MAK: variants seen among roughly 807,000 people sequenced by gnomAD.
MAK encodes male germ cell associated kinase.
MAK carries 65 observed loss-of-function variants against 82.6 expected under a neutral mutation model. The ratio of observed to expected loss-of-function variants is 0.79; its 90% CI spans 0.64 to 0.97. MAK has a LOEUF of 0.97. Among genes scored for constraint, MAK ranks in the 50% least tolerant of loss-of-function variants. The pLI, the probability that MAK is intolerant of heterozygous loss-of-function variation, is 0.00. For missense variants in MAK, 703 were observed against 780.2 expected (o/e 0.90, Z 1.18); for synonymous variants, 250 against 274.2 (o/e 0.91, Z 0.87).
At chr6:10,767,308 A>G (rs1252058880) in intron 14 of MAK, among the ~76,000 whole-genome samples, 1 of 152,224 alleles carries the variant, frequency 6.6e-6, no homozygotes, top group African/African-American at 2.4e-5. Flanking sequence ...ACCTCCTGGA[A>G]TACAGCCCTG....
At chr6:10,777,864 C>G (rs1773596648) in intron 11 of MAK, among the ~76,000 whole-genome samples, 1 of 152,090 alleles carries the variant, frequency 6.6e-6, no homozygotes, top group Non-Finnish European at 1.5e-5. Context: ...TCTCGGACTC[C>G]CAACCTCAGG....
chr6:10,796,731 G>C (rs143908132), intron 8 of MAK, among the ~76,000 whole-genome samples: 2,073 of 151,238 alleles, frequency 0.014, 46 homozygotes, highest in African/African-American at 0.048. Flanking sequence ...GCTTGAACCT[G>C]GGAGGAGGAG....
chr6:10,835,954 A>G lies in MAK; in HGVS notation c.-230+2549T>C, dbSNP rs184672242. Among the ~76,000 whole-genome samples, 26 of 152,344 alleles carry G rather than the reference A, an allele frequency of 1.7e-4. No individual in the cohort carries two copies. The East Asian group carries it at 4.2e-3, about 25-fold the overall frequency. On this transcript the variant is annotated intron_variant, in intron 1 of 14. Transcript: ENST00000354489. ...AAGCTGCACCAGCACTATCAGCACA[A>G]TAGAGCATTCAGTCACTGATGACTT...
Position 10,763,473 on chromosome 6 carries a change from C to CA in MAK, c.*978dup. ...TCATGGGAACTGTACTGGTCAAGAT[C>CA]AAAACACAAGCCGTCCACTAAAATC... On this transcript the variant is annotated 3_prime_UTR_variant, in exon 15 of 15. Coordinates refer to ENST00000354489, the MANE Select transcript of MAK (RefSeq NM_001242957.3). 1 of 150,080 alleles carries CA rather than the reference C, an allele frequency of 6.7e-6. No homozygotes were observed. Among genetic ancestry groups the CA allele is most frequent in the South Asian group, 2.1e-4 (1 of 4,746 alleles). 9.3% of individuals were successfully genotyped at this position (150,080 alleles called of 1,614,324 possible).
rs1326740775 is a variant in MAK at position 10,817,983 on chromosome 6, C to A, written c.157-12G>T. ...AGTTTCTTCAGAGACTGAAAAATAA[C>A]AAATATGCCTTAAAATTTCTTAAAA... On this transcript the variant is annotated splice_polypyrimidine_tract_variant and intron_variant, in intron 3 of 14. Coordinates refer to ENST00000354489, the MANE Select transcript of MAK (RefSeq NM_001242957.3). 1.4e-6 allele frequency: 2 copies of A among 1,413,504 alleles called. No individual in the cohort carries two copies. Among genetic ancestry groups the A allele is most frequent in the Middle Eastern group, 2.3e-4 (1 of 4,414 alleles). The allele number at this position is 1,413,504 out of a possible 1,614,324, so 87.6% of individuals were successfully genotyped here.
chr6:10,796,007 G>A lies in MAK; in HGVS notation c.1134C>T (p.Asn378=), dbSNP rs1440100006. The A allele has an allele frequency of 3.1e-6, 5 of 1,613,792 alleles. No individual in the cohort carries two copies. The African/African-American group carries it at 5.3e-5, about 17-fold the overall frequency. The change falls in exon 9 of 15, where the codon AAC becomes AAT. Residue 378 remains asparagine (N), a synonymous_variant. Transcript: ENST00000354489. The part of the protein sequence containing the change: ...PQTLFPSIVK[N]MPTKPNGTLS... ...ATGACTGGCTACTCACAGTTGGCAT[G>A]TTTTTGACGATGCTCGGGAATAGCG...
At chr6:10,804,054 A>G (rs1254646598) in intron 6 of MAK, among the ~76,000 whole-genome samples, 163 bp from the exon 7 acceptor site, 1 of 152,198 alleles carries the variant, frequency 6.6e-6, no homozygotes, top group Non-Finnish European at 1.5e-5. Context: ...TGGGGATAAT[A>G]GGACACAACA....
At chr6:10,818,599 G>GTC (rs1335118420) in intron 3 of MAK, among the ~76,000 whole-genome samples, 1 of 126,954 alleles carries the variant, frequency 7.9e-6, no homozygotes, top group Non-Finnish European at 1.6e-5. Context: ...GGGTGACAGA[G>GTC]TAAGACTCTG....
At chr6:10,768,716 T>C (rs543905762) in intron 14 of MAK, among the ~76,000 whole-genome samples, 96 of 152,366 alleles carry the variant, frequency 6.3e-4, no homozygotes, top group African/African-American at 2.2e-3. Context: ...AATGAAGCAA[T>C]TCTTTTCACA....
intron 4 of MAK, among the ~76,000 whole-genome samples, chr6:10,816,354 A>G (rs1777503348): frequency 3.3e-5 from 5 of 152,148 alleles, no homozygotes; most frequent in Admixed American, 3.3e-4. Flanking sequence ...TAAAGGCAGG[A>G]ACTACCACAT....
At chr6:10,806,157 C>T (rs1187431393) in intron 6 of MAK, among the ~76,000 whole-genome samples, 1 of 147,774 alleles carries the variant, frequency 6.8e-6, no homozygotes, top group Non-Finnish European at 1.5e-5. Flanking sequence ...TCCCCTTTGA[C>T]CTTCACCCCG....
At position 10,816,231 on chromosome 6, in the gene MAK, T is replaced by A. The variant is rs1406913822; in HGVS notation, c.278+1619A>T. On this transcript the variant is annotated intron_variant, in intron 4 of 14. Transcript: ENST00000354489. ...GACTACAGGTGTGTGCCACCACACC[T>A]GGCTAATTTTTTAATTTTTTTGTAG... is the stretch of plus-strand genomic sequence containing the variant. Among the ~76,000 whole-genome samples, 7 of 151,686 alleles carry A rather than the reference T, an allele frequency of 4.6e-5. No homozygotes were observed. In the East Asian group the frequency reaches 1.4e-3, roughly 30 times the overall value.
intron 12 of MAK, among the ~76,000 whole-genome samples, chr6:10,774,974 T>G (rs911306557): frequency 6.6e-6 from 1 of 152,134 alleles, no homozygotes; most frequent in African/African-American, 2.4e-5. Context: ...GGGAAAACCT[T>G]TTTTTTATTA....
At chr6:10,782,824 C>T (rs1343512311) in intron 11 of MAK, among the ~76,000 whole-genome samples, 1 of 152,096 alleles carries the variant, frequency 6.6e-6, no homozygotes, top group Non-Finnish European at 1.5e-5. Context: ...GTGATCCGCC[C>T]ACCTCGGCCT....
rs1222599142 is a variant in MAK, at chr6:10,770,124, A to G, written c.1779T>C (p.Asn593=). The G allele has an allele frequency of 6.2e-7, 1 of 1,614,186 alleles. No homozygotes were observed. Among genetic ancestry groups the G allele is most frequent in the East Asian group, 2.2e-5 (1 of 44,882 alleles). ...AGTTGTTCCTACCTGAAGCCGTTGCATTGAGAGGTGCTAAGTGGATCCTCT... is the reference window on the plus strand; with the variant it reads ...AGTTGTTCCTACCTGAAGCCGTTGCGTTGAGAGGTGCTAAGTGGATCCTCT... ...AGQRIHLAPL[N]ATASEYTWNT... is the part of the protein sequence containing the mutation. The change falls in exon 14 of 15, where the codon AAT becomes AAC. Residue 593 remains asparagine (N), a synonymous_variant. Transcript: ENST00000354489.
intron 14 of MAK, among the ~76,000 whole-genome samples, chr6:10,766,656 A>G (rs1348437099): frequency 6.6e-6 from 1 of 152,166 alleles, no homozygotes; most frequent in Non-Finnish European, 1.5e-5. Flanking sequence ...CCACAGGTCA[A>G]ACTGGTAGCA....
At chr6:10,767,862 CA>C (rs988965834) in intron 14 of MAK, among the ~76,000 whole-genome samples, 2 of 151,010 alleles carry the variant, frequency 1.3e-5, no homozygotes, top group African/African-American at 4.8e-5. Context: ...CGAGACTATG[CA>C]AGAAGGGGGA....
chr6:10,803,102 T>C (rs780714117), intron 7 of MAK, among the ~76,000 whole-genome samples: 1 of 152,116 alleles, frequency 6.6e-6, no homozygotes, highest in Non-Finnish European at 1.5e-5. Flanking sequence ...GTCTGTACAG[T>C]GTCAGCTGGG....
chr6:10,796,743 T>C (rs182196380), intron 8 of MAK, among the ~76,000 whole-genome samples: 2 of 150,132 alleles, frequency 1.3e-5, no homozygotes, highest in African/African-American at 2.5e-5. Flanking sequence ...GAGGAGGAGA[T>C]TGTAGTGAGC....
Sources: gnomAD v4.1 joint callset for allele counts (sites outside exome capture counted in the v4.1 genomes callset) on GRCh38, gnomAD v4.1.1 for gene constraint, MANE v1.5 for transcripts, NCBI Gene and HGNC (gene_info 2026-07-23, HGNC 2026-07-21) for gene names.